ITGAM: variants seen among roughly 807,000 people sequenced by gnomAD.
ITGAM encodes integrin alpha-M.
A neutral mutation model predicts 137.5 loss-of-function variants in ITGAM; 79 were observed. The observed-to-expected ratio is 0.57, with a 90% CI of 0.48 to 0.69. The LOEUF is 0.69. Among genes scored for constraint, ITGAM ranks in the 30% least tolerant of loss-of-function variants. The probability of loss-of-function intolerance (pLI) is 0.00; values close to 1 mark genes in which losing one functional copy is unlikely to be tolerated. For synonymous variants in ITGAM, 583 were observed against 592.3 expected (o/e 0.98, Z 0.23); for missense variants, 1,343 against 1,483.5 (o/e 0.91, Z 1.56).
intron 14 of ITGAM, among the ~76,000 whole-genome samples, chr16:31,318,351 T>G (rs2080413795): frequency 6.7e-6 from 1 of 150,268 alleles, no homozygotes; most frequent in African/African-American, 2.4e-5. Context: ...GTTCTTTTTT[T>G]TTTTTTTTTT....
chr16:31,292,482 T>C (rs771310205), intron 12 of ITGAM, among the ~76,000 whole-genome samples: 1 of 152,158 alleles, frequency 6.6e-6, no homozygotes, highest in Admixed American at 6.6e-5. Context: ...TTCTTTATAG[T>C]TTAGCTCCCA....
intron 12 of ITGAM, among the ~76,000 whole-genome samples, chr16:31,283,790 G>A (rs1282006872): frequency 6.6e-6 from 1 of 152,198 alleles, no homozygotes; most frequent in Non-Finnish European, 1.5e-5. Flanking sequence ...CTCCTTTGGA[G>A]GAGAAGAGGT....
At chr16:31,267,436 G>A (rs921526612) in intron 5 of ITGAM, among the ~76,000 whole-genome samples, 1 of 151,834 alleles carries the variant, frequency 6.6e-6, no homozygotes, top group Non-Finnish European at 1.5e-5. Context: ...CTTAATAAGC[G>A]GTTTTCCAGT....
intron 9 of ITGAM, among the ~76,000 whole-genome samples, chr16:31,276,468 A>G (rs896979760): frequency 1.3e-5 from 2 of 152,048 alleles, no homozygotes; most frequent in African/African-American, 4.8e-5. Context: ...AGTAGCTGGG[A>G]TTACAGGCGC....
chr16:31,261,496 AATT>A (rs2079698758), intron 1 of ITGAM, among the ~76,000 whole-genome samples, 193 bp from the exon 2 acceptor site: 1 of 151,182 alleles, frequency 6.6e-6, no homozygotes, highest in South Asian at 2.1e-4. Context: ...CTTTCTTTTA[AATT>A]ATTATTAGTT....
chr16:31,309,451 T>C (rs2144428464), intron 14 of ITGAM, among the ~76,000 whole-genome samples: 1 of 141,570 alleles, frequency 7.1e-6, no homozygotes, highest in South Asian at 2.4e-4. Flanking sequence ...TAAAGACTGT[T>C]TTACCCGAGA....
At chr16:31,305,196 G>T (rs2080252932) in intron 14 of ITGAM, among the ~76,000 whole-genome samples, 1 of 151,952 alleles carries the variant, frequency 6.6e-6, no homozygotes, top group African/African-American at 2.4e-5. Flanking sequence ...ATATTCCTAG[G>T]CATTTTATTT....
chr16:31,298,849 C>A (rs2080166048), intron 14 of ITGAM, among the ~76,000 whole-genome samples: 1 of 152,066 alleles, frequency 6.6e-6, no homozygotes, highest in Non-Finnish European at 1.5e-5. Context: ...AAGCATGGAG[C>A]CCATCCTGAT....
Position 31,324,368 on chromosome 16 carries a change from C to A in ITGAM, c.2003-31C>A, listed in dbSNP as rs1290359169. 6.5e-7 allele frequency: 1 copy of A among 1,543,754 alleles called. No individual in the cohort carries two copies. Among genetic ancestry groups the A allele is most frequent in the South Asian group, 1.2e-5 (1 of 83,882 alleles). Reference sequence around the variant, plus strand: ...ATCTGCCGGGTTCCGAGGCTCAGGCCCCTCACTGCTGTGCCACCCTGTCCC... The same window carrying A: ...ATCTGCCGGGTTCCGAGGCTCAGGCACCTCACTGCTGTGCCACCCTGTCCC... On this transcript the variant is annotated intron_variant, in intron 16 of 29. Transcript: ENST00000544665. This position sits in a 1 kb window ranked among gnomAD's most constrained non-coding sequence, Gnocchi z 4.5.
At chr16:31,262,359 CCT>C (rs1448880778) in intron 2 of ITGAM, among the ~76,000 whole-genome samples, 2 of 134,738 alleles carry the variant, frequency 1.5e-5, no homozygotes, top group African/African-American at 5.9e-5. Context: ...TTCCTTCCTT[CCT>C]TCCTTCCTTC....
intron 12 of ITGAM, among the ~76,000 whole-genome samples, chr16:31,284,131 G>A (rs954262047): frequency 7.9e-5 from 12 of 152,142 alleles, no homozygotes; most frequent in Non-Finnish European, 1.5e-4. Flanking sequence ...GGTGTAAGTC[G>A]GCTCCTACTG....
chr16:31,297,430 G>C, intron 12 of ITGAM, 84 bp from the exon 13 acceptor site: 1 of 1,557,224 alleles, frequency 6.4e-7, no homozygotes, highest in Non-Finnish European at 8.8e-7. Context: ...CCCCCAGCAG[G>C]CATAACTTTT....
intron 12 of ITGAM, among the ~76,000 whole-genome samples, chr16:31,290,337 A>G (rs1198220862): frequency 6.6e-6 from 1 of 152,174 alleles, no homozygotes; most frequent in Non-Finnish European, 1.5e-5. Context: ...TGATGATTAC[A>G]CAACATTGTG....
At chr16:31,266,539 A>G (rs1354118492) in intron 5 of ITGAM, among the ~76,000 whole-genome samples, 1 of 150,054 alleles carries the variant, frequency 6.7e-6, no homozygotes, top group African/African-American at 2.5e-5. Context: ...TGGGCAACAT[A>G]GGGAGATCCC....
At chr16:31,326,969 GC>G in intron 22 of ITGAM, 34 bp downstream of exon 22, 1 of 1,520,002 alleles carries the variant, frequency 6.6e-7, no homozygotes, top group Non-Finnish European at 9.1e-7. Context: ...GCAGGCAGTT[GC>G]CCGTCTGACG....
intron 19 of ITGAM, 89 bp downstream of exon 19, chr16:31,325,120 T>C (rs1210919457): frequency 2.7e-6 from 4 of 1,462,074 alleles, no homozygotes; most frequent in Admixed American, 2.1e-5. Context: ...GGGAGCCGGG[T>C]GTTCCTGGGC....
Position 31,331,792 on chromosome 16 carries a change from CG to C in ITGAM, c.*87del. The C allele has an allele frequency of 9.2e-7, 1 of 1,084,620 alleles. No homozygotes were observed. The highest frequency in any genetic ancestry group is 1.3e-6 in the Non-Finnish European group (1 of 753,720). 67.2% of individuals were successfully genotyped at this position (1,084,620 alleles called of 1,614,324 possible). A position where few individuals can be genotyped will look rare whatever the true frequency, so the allele number is the denominator to read the frequency against. On this transcript the variant is annotated 3_prime_UTR_variant, in exon 30 of 30. Coordinates refer to ENST00000544665, the MANE Select transcript of ITGAM (RefSeq NM_000632.4). The stretch of plus-strand genomic sequence containing the variant: ...GTAGCCCCCAGGCTGCTGGACACGT[CG>C]GACAGCGAAGTATCCCCGACAGGAC...
At chr16:31,311,770 C>A (rs936632574) in intron 14 of ITGAM, among the ~76,000 whole-genome samples, 2 of 152,142 alleles carry the variant, frequency 1.3e-5, no homozygotes, top group African/African-American at 4.8e-5. Flanking sequence ...TCTGACCCAG[C>A]CATCCCATTA....
intron 14 of ITGAM, among the ~76,000 whole-genome samples, chr16:31,298,407 ACAC>A (rs1464336542): frequency 6.6e-6 from 1 of 152,120 alleles, no homozygotes; most frequent in African/African-American, 2.4e-5. Context: ...ACACACACAC[ACAC>A]ATTCACAGAA....
Sources: gnomAD v4.1 joint callset for allele counts (sites outside exome capture counted in the v4.1 genomes callset) on GRCh38, gnomAD v4.1.1 for gene constraint, Gnocchi (gnomAD v3.1) non-coding constraint, MANE v1.5 for transcripts, NCBI Gene and HGNC (gene_info 2026-07-23, HGNC 2026-07-21) for gene names.